The following MAMLD1 variants were observed in gnomAD, a reference collection of about 807,000 sequenced individuals.
The protein encoded by MAMLD1 is mastermind-like domain-containing protein 1.
MAMLD1 carries 14 observed loss-of-function variants against 45.0 expected under a neutral mutation model. The ratio of observed to expected loss-of-function variants is 0.31; its 90% confidence interval spans 0.21 to 0.49. The LOEUF is 0.49. Ranked by LOEUF, MAMLD1 falls within the 20% of genes least tolerant of loss-of-function variation. The pLI is 0.99. For missense variants in MAMLD1, 543 were observed against 603.6 expected (o/e 0.90, Z 1.05); for synonymous variants, 254 against 247.8 (o/e 1.02, Z -0.24).
chrX:150,411,722 G>T (rs60094554), intron 1 of MAMLD1, among the ~76,000 whole-genome samples: 3,666 of 111,167 alleles, frequency 0.033, 159 homozygotes, highest in African/African-American at 0.11. Flanking sequence ...CTAAAAACCT[G>T]CCCAGTGAGA....
chrX:150,387,071 A>C (rs1412894284), intron 1 of MAMLD1, among the ~76,000 whole-genome samples: 2 of 111,566 alleles, frequency 1.8e-5, no homozygotes, highest in African/African-American at 6.5e-5. Context: ...CTTACTATAG[A>C]CATTAATTTT....
At chrX:150,382,960 A>G (rs1603222371) in intron 1 of MAMLD1, among the ~76,000 whole-genome samples, 1 of 50,108 alleles carries the variant, frequency 2.0e-5, no homozygotes, top group African/African-American at 1.5e-4. Flanking sequence ...GCTGGACTGC[A>G]GTGGCGCGAT....
At chrX:150,505,204 A>C (rs2037687821) in intron 6 of MAMLD1, 2 of 301,637 alleles carry the variant, frequency 6.6e-6, no homozygotes, top group African/African-American at 5.8e-5. Flanking sequence ...GGGCAGCATC[A>C]TTACCATGGG....
intron 1 of MAMLD1, among the ~76,000 whole-genome samples, chrX:150,370,489 A>C (rs1182762626): frequency 8.9e-6 from 1 of 111,952 alleles, no homozygotes; most frequent in Non-Finnish European, 1.9e-5. Flanking sequence ...CTGTCAGGAC[A>C]GTTAGTCAGG....
intron 6 of MAMLD1, among the ~76,000 whole-genome samples, chrX:150,506,557 C>T (rs782705460): frequency 1.8e-5 from 2 of 112,050 alleles, no homozygotes; most frequent in South Asian, 3.7e-4. Flanking sequence ...AGCCCGAATC[C>T]GGCTAAAATC....
intron 1 of MAMLD1, among the ~76,000 whole-genome samples, chrX:150,397,994 G>GATCAT (rs1183270968): frequency 9.1e-6 from 1 of 109,496 alleles, no homozygotes; most frequent in African/African-American, 3.3e-5. Context: ...TGGCCATTTT[G>GATCAT]ATCATCACAT....
chrX:150,454,236 A>G (rs782799373), intron 2 of MAMLD1, among the ~76,000 whole-genome samples: 4 of 112,164 alleles, frequency 3.6e-5, no homozygotes, highest in African/African-American at 1.3e-4. Flanking sequence ...TTCCTCCCTC[A>G]AGTCAAGCCC....
rs782664446 is a variant in MAMLD1 at position 150,448,100 on chromosome X, C to T, written c.96+2488C>T. On this transcript the variant is annotated intron_variant, in intron 2 of 7. Coordinates refer to ENST00000370401, the MANE Select transcript of MAMLD1 (RefSeq NM_005491.5). ...CCCTTGAAGGAAAACGTGCATCTCA[C>T]GTAACAGTTGTTCTTGGCCTAAGAC... Among the ~76,000 whole-genome samples, 96 of 112,371 alleles carry T rather than the reference C, an allele frequency of 8.5e-4. 1 individual carries two copies. Among genetic ancestry groups the T allele is most frequent in the African/African-American group, 3.0e-3 (93 of 30,922 alleles).
intron 1 of MAMLD1, among the ~76,000 whole-genome samples, chrX:150,416,592 C>T (rs782264608): frequency 3.6e-5 from 4 of 111,693 alleles, no homozygotes; most frequent in Non-Finnish European, 5.6e-5. Flanking sequence ...CTTACGTTTT[C>T]GAAGGGAAGT....
chrX:150,417,854 G>T (rs1459938351), intron 1 of MAMLD1, among the ~76,000 whole-genome samples: 1 of 110,376 alleles, frequency 9.1e-6, no homozygotes, highest in African/African-American at 3.3e-5. Context: ...TTTTGATGGG[G>T]TTGTTTGTTT....
chrX:150,399,124 G>A (rs1557402354), intron 1 of MAMLD1, among the ~76,000 whole-genome samples: 1 of 112,037 alleles, frequency 8.9e-6, no homozygotes. Context: ...CCACAGTATG[G>A]AGGACAAATG....
At chrX:150,454,026 A>T (rs782489230) in intron 2 of MAMLD1, among the ~76,000 whole-genome samples, 62 of 112,202 alleles carry the variant, frequency 5.5e-4, no homozygotes, top group African/African-American at 2.0e-3. Flanking sequence ...GCTCATTCTA[A>T]TGGAAGTGTC....
At chrX:150,402,124 G>C (rs1204077134) in intron 1 of MAMLD1, among the ~76,000 whole-genome samples, 1 of 111,095 alleles carries the variant, frequency 9.0e-6, no homozygotes, top group African/African-American at 3.3e-5. Flanking sequence ...TACCATCAGA[G>C]TGAACAGGCA....
chrX:150,366,088 C>T (rs1331312775), intron 1 of MAMLD1, among the ~76,000 whole-genome samples: 1 of 112,033 alleles, frequency 8.9e-6, no homozygotes, highest in East Asian at 2.8e-4. Context: ...AAAAAAGTGA[C>T]AAATAAGGAA....
At chrX:150,432,937 A>C (rs782337212) in intron 1 of MAMLD1, among the ~76,000 whole-genome samples, 1 of 110,926 alleles carries the variant, frequency 9.0e-6, no homozygotes, top group African/African-American at 3.3e-5. Flanking sequence ...TTTTTTTTCT[A>C]ATTCTCTGAA....
intron 3 of MAMLD1, 136 bp from the exon 4 acceptor site, chrX:150,469,609 C>T: frequency 5.7e-6 from 2 of 347,956 alleles, no homozygotes; most frequent in Non-Finnish European, 4.9e-6. Context: ...AAAAATTCCT[C>T]TCTCTCTCTC....
At chrX:150,485,109 T>C (rs1468608136) in intron 5 of MAMLD1, among the ~76,000 whole-genome samples, 2 of 110,654 alleles carry the variant, frequency 1.8e-5, no homozygotes, top group Non-Finnish European at 3.8e-5. Context: ...TTCCAAACAA[T>C]CTACTTTATT....
chrX:150,396,232 G>C (rs2033414373), intron 1 of MAMLD1, among the ~76,000 whole-genome samples: 1 of 87,952 alleles, frequency 1.1e-5, no homozygotes, highest in African/African-American at 4.4e-5. Context: ...CTGACCTCAA[G>C]TGATCTTCCC....
chrX:150,368,950 T>C (rs1557400884), intron 1 of MAMLD1, among the ~76,000 whole-genome samples: 1 of 111,874 alleles, frequency 8.9e-6, no homozygotes, highest in Non-Finnish European at 1.9e-5. Context: ...TACCATGCTG[T>C]TTTGGTTACT....
Sources: gnomAD v4.1 joint callset for allele counts (sites outside exome capture counted in the v4.1 genomes callset) on GRCh38, gnomAD v4.1.1 for gene constraint, MANE v1.5 for transcripts, NCBI Gene and HGNC (gene_info 2026-07-23, HGNC 2026-07-21) for gene names.